Variants in FAM83F observed in about 807,000 individuals in gnomAD.
FAM83F encodes scaffolding CK1 anchoring protein F, also known as protein FAM83F.
In FAM83F, 45 loss-of-function variants were observed where a neutral mutation model predicts 42.9. That is an observed-to-expected ratio of 1.05 (90% CI 0.83 to 1.35). The LOEUF is 1.35. FAM83F is among the 40% of genes most tolerant of loss of function. The probability of loss-of-function intolerance (pLI) is 0.00; values close to 1 mark genes in which losing one functional copy is unlikely to be tolerated. For synonymous variants in FAM83F, 306 were observed against 298.3 expected (o/e 1.03, Z -0.27); for missense variants, 617 against 695.9 (o/e 0.89, Z 1.28).
rs1230484815 is a variant in FAM83F at position 39,995,319 on chromosome 22, GC to G, written c.282del (p.Ala95ArgfsTer38). 1.2e-5 allele frequency: 19 copies of G among 1,538,484 alleles called. No individual in the cohort carries two copies. Among genetic ancestry groups the G allele is most frequent in the Non-Finnish European group, 1.6e-5 (18 of 1,145,874 alleles). On this transcript the variant is annotated frameshift_variant, in exon 1 of 5. Coordinates refer to ENST00000333407, the MANE Select transcript of FAM83F (RefSeq NM_138435.4). LOFTEE classifies it high-confidence loss of function. The surrounding 1 kb of genome is among the most constrained non-coding windows in gnomAD (Gnocchi z 4.6). ...ARGKSKAKAK[A>X]PAPAPAESGE... Reference sequence around the variant, plus strand: ...GGGCAAGAGCAAGGCCAAGGCCAAGGCCCCCGCGCCGGCGCCGGCTGAGTCC... The same window carrying G: ...GGGCAAGAGCAAGGCCAAGGCCAAGGCCCCGCGCCGGCGCCGGCTGAGTCC...
intron 1 of FAM83F, chr22:40,009,979 A>G (rs1010547463): frequency 6.6e-6 from 1 of 152,212 alleles, no homozygotes; most frequent in Non-Finnish European, 1.5e-5. Flanking sequence ...ATGTCAGATG[A>G]GGAGACGTTG....
chr22:40,026,286 C>G (rs983134863), intron 4 of FAM83F, among the ~76,000 whole-genome samples: 2 of 152,114 alleles, frequency 1.3e-5, no homozygotes, highest in African/African-American at 2.4e-5. Flanking sequence ...TTTTGGAGGC[C>G]TAGGTGGGCA....
intron 1 of FAM83F, among the ~76,000 whole-genome samples, chr22:40,015,077 C>T (rs544814134): frequency 3.8e-4 from 58 of 152,252 alleles, no homozygotes; most frequent in African/African-American, 9.6e-4. Context: ...ACTGGATGGG[C>T]ATGTTTGTGT....
At chr22:40,001,927 C>T (rs139303880) in intron 1 of FAM83F, among the ~76,000 whole-genome samples, 11 of 152,212 alleles carry the variant, frequency 7.2e-5, no homozygotes, top group Admixed American at 6.5e-4. Flanking sequence ...CACCTTTGAG[C>T]GAGACAGGAG....
intron 1 of FAM83F, among the ~76,000 whole-genome samples, chr22:40,014,391 A>T (rs1290803947): frequency 6.6e-6 from 1 of 152,090 alleles, no homozygotes; most frequent in Non-Finnish European, 1.5e-5. Flanking sequence ...TTGTAAAATT[A>T]TTAAGATAAT....
chr22:40,014,134 T>TC (rs1555967947), intron 1 of FAM83F, among the ~76,000 whole-genome samples: 1 of 146,558 alleles, frequency 6.8e-6, no homozygotes, highest in South Asian at 2.1e-4. Context: ...TTCTTTTCTT[T>TC]TTTTTTTTTT....
In FAM83F at chr22:40,038,087, T is replaced by A. The variant is rs901721940; in HGVS notation, c.*8522T>A. The A allele has an allele frequency of 1.3e-5, 2 of 152,262 alleles. No homozygotes were observed. The allele number at this position is 152,262 out of a possible 1,614,324, so 9.4% of individuals were successfully genotyped here. A position where few individuals can be genotyped will look rare whatever the true frequency, so the allele number is the denominator to read the frequency against. On this transcript the variant is annotated 3_prime_UTR_variant, in exon 5 of 5. Transcript: ENST00000333407. ...AAACGAACTTATTGAGAACTTACTG[T>A]GTTCCAGGCACTGTGATAAGATAGA...
At chr22:40,028,572 C>T (rs1050156215) in intron 4 of FAM83F, among the ~76,000 whole-genome samples, 4 of 152,102 alleles carry the variant, frequency 2.6e-5, no homozygotes, top group African/African-American at 4.8e-5. Context: ...AGGCCTGCCT[C>T]GCTACTCCCC....
chr22:40,014,372 T>C (rs1348963993), intron 1 of FAM83F, among the ~76,000 whole-genome samples: 1 of 152,126 alleles, frequency 6.6e-6, no homozygotes, highest in Admixed American at 6.5e-5. Context: ...TCTCGCTTTA[T>C]TAAATACTTT....
chr22:40,022,069 C>T, intron 4 of FAM83F, 106 bp downstream of exon 4: 1 of 1,032,462 alleles, frequency 9.7e-7, no homozygotes, highest in Non-Finnish European at 1.3e-6. Context: ...GGAGTAGATT[C>T]CATCTGTGGG....
At chr22:40,013,078 G>GT in intron 1 of FAM83F, among the ~76,000 whole-genome samples, 1 of 37,668 alleles carries the variant, frequency 2.7e-5, no homozygotes, top group Admixed American at 3.4e-4. Flanking sequence ...GCGAGACTCC[G>GT]TTTCAAAAAA....
chr22:40,007,429 CCT>C (rs1400900250), intron 1 of FAM83F, among the ~76,000 whole-genome samples: 2 of 2,844 alleles, frequency 7.0e-4, no homozygotes, highest in Non-Finnish European at 1.7e-3. Context: ...CTCCTCCTCT[CCT>C]CTCCTCCTCT....
rs1360853247 is a variant in FAM83F at position 40,033,355 on chromosome 22, G to A, written c.*3790G>A. ...CTGCCTTGGCCTCCCAAACTGCTGG[G>A]ATTACAGGCATGAGCCACCACGCCC... On this transcript the variant is annotated 3_prime_UTR_variant, in exon 5 of 5. Transcript: ENST00000333407. 6.6e-6 allele frequency: 1 copy of A among 152,248 alleles called. No individual in the cohort carries two copies. Among genetic ancestry groups the A allele is most frequent in the Non-Finnish European group, 1.5e-5 (1 of 68,116 alleles). 9.4% of individuals were successfully genotyped at this position (152,248 alleles called of 1,614,324 possible).
intron 1 of FAM83F, among the ~76,000 whole-genome samples, chr22:40,007,251 C>T (rs1197559942): frequency 3.4e-5 from 4 of 118,716 alleles, no homozygotes; most frequent in African/African-American, 9.8e-5. Context: ...TCCTCCTCTC[C>T]TCCTCCTTTC....
chr22:40,002,578 AT>A (rs2067408327), intron 1 of FAM83F, among the ~76,000 whole-genome samples: 1 of 152,194 alleles, frequency 6.6e-6, no homozygotes, highest in Non-Finnish European at 1.5e-5. Flanking sequence ...GAGGGATCCC[AT>A]GCGGCTGGGA....
At chr22:40,022,885 C>T (rs1351511136) in intron 4 of FAM83F, among the ~76,000 whole-genome samples, 1 of 152,232 alleles carries the variant, frequency 6.6e-6, no homozygotes, top group Admixed American at 6.5e-5. Context: ...TGCATTCCTG[C>T]ACACCAGCTT....
Position 39,995,292 on chromosome 22 carries a change from C to T in FAM83F, c.250C>T (p.Arg84Trp). The T allele has an allele frequency of 2.6e-6, 4 of 1,536,822 alleles. No individual in the cohort carries two copies. Among genetic ancestry groups the T allele is most frequent in the Middle Eastern group, 1.8e-4 (1 of 5,714 alleles). Residue 84 changes from arginine to tryptophan, a missense_variant, in exon 1 of 5, where the codon CGG becomes TGG. Arg to Trp is a moderately radical substitution (Grantham distance 101, BLOSUM62 -3). Coordinates refer to ENST00000333407, the MANE Select transcript of FAM83F (RefSeq NM_138435.4). The surrounding 1 kb of genome is among the most constrained non-coding windows in gnomAD (Gnocchi z 4.6). ...YEDAVPAANARGKSKAKAKAP... is the reference protein window; with the variant it reads ...YEDAVPAANAWGKSKAKAKAP... ...GGACGCCGTCCCCGCCGCCAACGCC[C>T]GGGGCAAGAGCAAGGCCAAGGCCAA...
Position 40,021,813 on chromosome 22 carries a change from G to A in FAM83F, c.1303G>A (p.Ala435Thr), listed in dbSNP as rs567145342. ...GEAARGEAAP[A>T]RRFSSRLFSR... The stretch of plus-strand genomic sequence containing the variant: ...AGCGGCCCGGGGGGAGGCCGCCCCC[G>A]CCAGGCGCTTCAGCAGCAGGCTCTT... The change falls in exon 4 of 5, where the codon GCC becomes ACC. Residue 435 changes from alanine (A) to threonine (T), a missense_variant. Physicochemically the swap from Ala to Thr is moderately conservative, Grantham distance 58. Transcript: ENST00000333407. This position sits in a 1 kb window ranked among gnomAD's most constrained non-coding sequence, Gnocchi z 8.7. 14 of 1,612,536 alleles carry A rather than the reference G, an allele frequency of 8.7e-6. No homozygotes were observed. The highest frequency in any genetic ancestry group is 5.3e-5 in the African/African-American group (4 of 75,016).
At chr22:40,029,478 C>T (rs370985846) in intron 4 of FAM83F, 38 bp from the exon 5 acceptor site, 8 of 1,593,274 alleles carry the variant, frequency 5.0e-6, no homozygotes, top group African/African-American at 2.7e-5. Flanking sequence ...AAGCGTTTCA[C>T]TTACATCCTT....
Sources: gnomAD v4.1 joint callset for allele counts (sites outside exome capture counted in the v4.1 genomes callset) on GRCh38, gnomAD v4.1.1 for gene constraint, Gnocchi (gnomAD v3.1) non-coding constraint, MANE v1.5 for transcripts, NCBI Gene and HGNC (gene_info 2026-07-23, HGNC 2026-07-21) for gene names.